SCLT1: variants seen among roughly 807,000 people sequenced by gnomAD.
SCLT1 encodes sodium channel and clathrin linker 1.
Under a neutral mutation model 112.8 loss-of-function variants are expected in SCLT1, and 78 were observed. The observed-to-expected ratio is 0.69, with a 90% CI of 0.58 to 0.83. SCLT1 has a LOEUF of 0.83. Ranked by LOEUF, SCLT1 falls within the 40% of genes least tolerant of loss-of-function variation. The probability of loss-of-function intolerance (pLI) is 0.00; values close to 1 mark genes in which losing one functional copy is unlikely to be tolerated. For synonymous variants in SCLT1, 257 were observed against 254.7 expected, an observed-to-expected ratio of 1.01 and a Z score of -0.09; for missense variants, 747 against 770.4, an observed-to-expected ratio of 0.97 and a Z score of 0.36.
rs540807780 is a variant in SCLT1, at chr4:128,997,495, C to T, written c.615+379G>A. Among the ~76,000 whole-genome samples the T allele has an allele frequency of 1.4e-4, 21 of 151,786 alleles. No homozygotes were observed. In the East Asian group the frequency reaches 3.3e-3, roughly 24 times the overall value. Reference sequence around the variant, plus strand: ...ATACCAACACATGGTCCTTAGTTTCCTAAAACTTTTTAGGCAATGGGCTAT... The same window carrying T: ...ATACCAACACATGGTCCTTAGTTTCTTAAAACTTTTTAGGCAATGGGCTAT... On this transcript the variant is annotated intron_variant, in intron 8 of 20. Coordinates refer to ENST00000281142, the MANE Select transcript of SCLT1 (RefSeq NM_144643.4).
intron 18 of SCLT1, among the ~76,000 whole-genome samples, chr4:128,894,678 GTCTT>G (rs1733600154): frequency 1.3e-5 from 2 of 151,856 alleles, no homozygotes; most frequent in Admixed American, 6.6e-5. Context: ...TTCTCACTTT[GTCTT>G]TCTTTTTTTT....
At chr4:129,086,336 TAC>T (rs1752397897) in intron 1 of SCLT1, among the ~76,000 whole-genome samples, 1 of 129,324 alleles carries the variant, frequency 7.7e-6, no homozygotes, top group African/African-American at 3.0e-5. Flanking sequence ...TATATATATA[TAC>T]ACACACACAT....
chr4:129,033,644 A>G (rs987547488), intron 5 of SCLT1, among the ~76,000 whole-genome samples: 20 of 151,954 alleles, frequency 1.3e-4, no homozygotes, highest in African/African-American at 4.8e-4. Context: ...TGCCTCCTTG[A>G]TAAGAGACTG....
intron 2 of SCLT1, among the ~76,000 whole-genome samples, chr4:129,080,919 G>A (rs1421331506): frequency 2.0e-5 from 3 of 152,132 alleles, no homozygotes; most frequent in African/African-American, 7.2e-5. Context: ...GGTCTCCCCC[G>A]TGTGAAACAC....
intron 18 of SCLT1, among the ~76,000 whole-genome samples, chr4:128,913,795 CAT>C (rs1735273124): frequency 6.6e-6 from 1 of 152,174 alleles, no homozygotes; most frequent in Non-Finnish European, 1.5e-5. Context: ...CCATCTATCA[CAT>C]ATTTAATTTC....
chr4:128,973,180 A>G (rs886991183), intron 9 of SCLT1, among the ~76,000 whole-genome samples: 4 of 152,086 alleles, frequency 2.6e-5, no homozygotes, highest in Admixed American at 6.6e-5. Flanking sequence ...CAAAAACCCT[A>G]TATCTCAATA....
intron 2 of SCLT1, among the ~76,000 whole-genome samples, chr4:129,081,554 A>G (rs1751939287): frequency 6.6e-6 from 1 of 152,138 alleles, no homozygotes; most frequent in Non-Finnish European, 1.5e-5. Flanking sequence ...CCAGAGCAGG[A>G]GGAAGAGAGA....
intron 9 of SCLT1, among the ~76,000 whole-genome samples, chr4:128,991,373 T>C (rs192747612): frequency 1.3e-4 from 19 of 151,938 alleles, no homozygotes; most frequent in Non-Finnish European, 2.4e-4. Flanking sequence ...ATGAAACTAC[T>C]AGAAGAAAAT....
chr4:128,913,220 G>C (rs1735232087), intron 18 of SCLT1, among the ~76,000 whole-genome samples: 1 of 152,146 alleles, frequency 6.6e-6, no homozygotes, highest in African/African-American at 2.4e-5. Flanking sequence ...ATCTAACAAG[G>C]AGGCACTACA....
chr4:129,011,192 T>G (rs1276395538), intron 5 of SCLT1, among the ~76,000 whole-genome samples: 2 of 152,210 alleles, frequency 1.3e-5, no homozygotes, highest in East Asian at 3.8e-4. Flanking sequence ...GTTTTTGTCT[T>G]TAGTTCTGTT....
chr4:128,941,394 C>T (rs868818704), intron 17 of SCLT1, among the ~76,000 whole-genome samples: 11 of 151,920 alleles, frequency 7.2e-5, no homozygotes, highest in African/African-American at 2.4e-4. Flanking sequence ...TTTAAATTCT[C>T]CTAAAAAATA....
chr4:129,031,358 C>T (rs1457241411), intron 5 of SCLT1, among the ~76,000 whole-genome samples: 1 of 152,052 alleles, frequency 6.6e-6, no homozygotes, highest in African/African-American at 2.4e-5. Context: ...CAGTATGATA[C>T]TGAATGGGCA....
intron 5 of SCLT1, among the ~76,000 whole-genome samples, chr4:129,012,801 T>C (rs2126107163): frequency 6.8e-6 from 1 of 146,956 alleles, no homozygotes; most frequent in South Asian, 2.2e-4. Flanking sequence ...TTTTTTTTGC[T>C]CTTTTTGGCT....
chr4:128,938,567 C>T (rs952558541), intron 17 of SCLT1, among the ~76,000 whole-genome samples: 3 of 152,148 alleles, frequency 2.0e-5, no homozygotes, highest in African/African-American at 7.2e-5. Context: ...AGATTGCCTG[C>T]CCTTTCTCCT....
intron 15 of SCLT1, 34 bp from the exon 16 acceptor site, chr4:128,946,186 C>T (rs1738147825): frequency 2.8e-6 from 4 of 1,443,282 alleles, no homozygotes; most frequent in Middle Eastern, 1.8e-4. Context: ...TATAATATTA[C>T]AGAAGAAACT....
Position 129,082,387 on chromosome 4 carries a change from GA to G in SCLT1, c.35-15del. On this transcript the variant is annotated splice_polypyrimidine_tract_variant and intron_variant, in intron 1 of 20. Coordinates refer to ENST00000281142, the MANE Select transcript of SCLT1 (RefSeq NM_144643.4). ...TTAGTCTTCGATCTGAAACAAGCGG[GA>G]AAACAGATTTCAGTTCATTGAGTAA... is the stretch of plus-strand genomic sequence containing the variant. The G allele has an allele frequency of 1.3e-6, 2 of 1,555,530 alleles. No homozygotes were observed. The highest frequency in any genetic ancestry group is 1.8e-6 in the Non-Finnish European group (2 of 1,139,806).
intron 17 of SCLT1, among the ~76,000 whole-genome samples, 192 bp downstream of exon 17, chr4:128,942,804 A>G (rs1331197078): frequency 6.6e-6 from 1 of 152,092 alleles, no homozygotes; most frequent in Non-Finnish European, 1.5e-5. Context: ...AGCAAAGGCA[A>G]TCATTTTCAA....
chr4:128,874,984 G>C (rs1382027385), intron 4 of SCLT1: 1 of 149,530 alleles, frequency 6.7e-6, no homozygotes, highest in Non-Finnish European at 1.5e-5. Context: ...GCCTAGCTTG[G>C]TGTCCATTCA....
At chr4:129,049,721 G>GT (rs1334253992) in intron 2 of SCLT1, among the ~76,000 whole-genome samples, 4 of 151,308 alleles carry the variant, frequency 2.6e-5, no homozygotes, top group African/African-American at 9.7e-5. Context: ...GCAGTTGGCA[G>GT]TTTTTTAATT....
Sources: allele counts gnomAD v4.1 joint callset (sites outside exome capture counted in the v4.1 genomes callset), GRCh38; gene constraint gnomAD v4.1.1; transcripts MANE v1.5; gene names NCBI Gene and HGNC (gene_info 2026-07-23, HGNC 2026-07-21).